Variants in EPHA6 observed in about 807,000 individuals in gnomAD.
The protein encoded by EPHA6 is ephrin type-A receptor 6.
In EPHA6, 50 loss-of-function variants were observed where a neutral mutation model predicts 112.0. That is an observed-to-expected ratio of 0.45 (90% CI 0.36 to 0.56). The LOEUF (loss-of-function observed/expected upper bound fraction) is 0.56. Among genes scored for constraint, EPHA6 ranks in the 20% least tolerant of loss-of-function variants. The pLI is 0.00. For missense variants in EPHA6, 1,280 were observed against 1,417.4 expected (o/e 0.90, Z 1.56); for synonymous variants, 529 against 490.7 (o/e 1.08, Z -1.03).
rs1577667771 is a variant in EPHA6 at position 97,525,930 on chromosome 3, T to C, written c.2201-6428T>C. Among the ~76,000 whole-genome samples the C allele has an allele frequency of 3.3e-5, 5 of 152,148 alleles. No individual in the cohort carries two copies. In the South Asian group the frequency reaches 1.0e-3, roughly 31 times the overall value. ...AATGATGGATATGGCTTCCGCTGGG[T>C]CACTGGCAGGACTCCTGTTGGATAA... is the stretch of plus-strand genomic sequence containing the variant. On this transcript the variant is annotated intron_variant, in intron 10 of 17. Transcript: ENST00000389672.
intron 15 of EPHA6, among the ~76,000 whole-genome samples, chr3:97,729,175 C>G (rs1038918294): frequency 6.6e-6 from 1 of 151,916 alleles, no homozygotes; most frequent in African/African-American, 2.4e-5. Flanking sequence ...ACTGTAACGC[C>G]TTTTTTCTAT....
chr3:97,580,070 G>A (rs1305968459), intron 11 of EPHA6, among the ~76,000 whole-genome samples: 1 of 152,172 alleles, frequency 6.6e-6, no homozygotes, highest in Non-Finnish European at 1.5e-5. Context: ...ATTGGATCCT[G>A]TTTTGGAAAC....
At chr3:96,968,215 T>C (rs1466140564) in intron 2 of EPHA6, among the ~76,000 whole-genome samples, 1 of 151,896 alleles carries the variant, frequency 6.6e-6, no homozygotes, top group African/African-American at 2.4e-5. Context: ...TGACTTTGGA[T>C]GTAAACTTCT....
At chr3:97,613,634 G>A (rs2093738796) in intron 13 of EPHA6, among the ~76,000 whole-genome samples, 1 of 152,080 alleles carries the variant, frequency 6.6e-6, no homozygotes. Flanking sequence ...TCAAGTGTGT[G>A]TGTGGGCTTG....
intron 5 of EPHA6, among the ~76,000 whole-genome samples, chr3:97,356,051 T>G (rs1577073901): frequency 6.6e-6 from 1 of 152,318 alleles, no homozygotes; most frequent in East Asian, 1.9e-4. Context: ...CAAAGCTTCA[T>G]CTGTATTTAC....
At chr3:96,994,726 T>TAGAG (rs1283627504) in intron 3 of EPHA6, among the ~76,000 whole-genome samples, 14 of 78,266 alleles carry the variant, frequency 1.8e-4, no homozygotes, top group Middle Eastern at 5.6e-3. Flanking sequence ...TATATATATA[T>TAGAG]ATATATAGAG....
chr3:97,316,058 C>G (rs758587355), intron 5 of EPHA6, among the ~76,000 whole-genome samples: 20 of 151,748 alleles, frequency 1.3e-4, no homozygotes, highest in Non-Finnish European at 2.4e-4. Flanking sequence ...ATTAATGATT[C>G]TCAAACATTA....
chr3:97,328,044 C>CAT (rs2082558602), intron 5 of EPHA6, among the ~76,000 whole-genome samples: 7 of 53,532 alleles, frequency 1.3e-4, no homozygotes, highest in African/African-American at 5.7e-4. Context: ...TATATACACA[C>CAT]ATATATACAC....
intron 4 of EPHA6, among the ~76,000 whole-genome samples, chr3:97,238,948 G>A (rs944729357): frequency 3.3e-5 from 5 of 151,816 alleles, no homozygotes; most frequent in African/African-American, 1.2e-4. Context: ...TTTTTTGTTT[G>A]CCTGTTTTAA....
At chr3:97,346,353 A>C (rs563874431) in intron 5 of EPHA6, among the ~76,000 whole-genome samples, 1 of 152,322 alleles carries the variant, frequency 6.6e-6, no homozygotes, top group East Asian at 1.9e-4. Flanking sequence ...AAATAAAAAG[A>C]AAGCTAATTG....
At chr3:97,592,465 A>G (rs2107347647) in intron 11 of EPHA6, 147 bp from the exon 12 acceptor site, 1 of 834,814 alleles carries the variant, frequency 1.2e-6, no homozygotes. Context: ...AAATTTATGG[A>G]GTAAAAAATG....
At chr3:97,627,187 T>C (rs1224090680) in intron 13 of EPHA6, among the ~76,000 whole-genome samples, 1 of 151,934 alleles carries the variant, frequency 6.6e-6, no homozygotes, top group African/African-American at 2.4e-5. Context: ...TATGCAAATA[T>C]GTATTGACAG....
intron 3 of EPHA6, among the ~76,000 whole-genome samples, chr3:97,161,237 G>A (rs546567582): frequency 4.6e-5 from 7 of 152,066 alleles, no homozygotes; most frequent in Non-Finnish European, 1.0e-4. Flanking sequence ...CCAACATTAG[G>A]CCAAAAGCTG....
intron 2 of EPHA6, among the ~76,000 whole-genome samples, chr3:96,903,996 T>C (rs1177558612): frequency 1.3e-5 from 2 of 152,144 alleles, no homozygotes; most frequent in Non-Finnish European, 2.9e-5. Flanking sequence ...GAAACACTTT[T>C]ACAGTGTTGG....
chr3:97,144,560 A>G (rs2075993091), intron 3 of EPHA6, among the ~76,000 whole-genome samples: 1 of 151,110 alleles, frequency 6.6e-6, no homozygotes, highest in Non-Finnish European at 1.5e-5. Flanking sequence ...GCTAACTTCC[A>G]TGCTCCTATT....
chr3:97,003,700 G>T (rs1271953233), intron 3 of EPHA6, among the ~76,000 whole-genome samples: 1 of 151,908 alleles, frequency 6.6e-6, no homozygotes, highest in Non-Finnish European at 1.5e-5. Context: ...GGATAAATGT[G>T]CAGAACACGC....
At position 97,274,948 on chromosome 3, in the gene EPHA6, C is replaced by T. The variant is rs573575073; in HGVS notation, c.1606+30661C>T. Among the ~76,000 whole-genome samples, 10 of 152,140 alleles carry T rather than the reference C, an allele frequency of 6.6e-5. No individual in the cohort carries two copies. The East Asian group carries it at 9.7e-4, about 15-fold the overall frequency. On this transcript the variant is annotated intron_variant, in intron 5 of 17. Transcript: ENST00000389672. ...GGAGCCGGGGAGCAGAAACTATATG[C>T]GTCAGGTATGAGGAAGAAAATAGAT...
chr3:97,302,635 A>C (rs957786998), intron 5 of EPHA6, among the ~76,000 whole-genome samples: 1 of 151,944 alleles, frequency 6.6e-6, no homozygotes, highest in Admixed American at 6.6e-5. Context: ...ATAAATTGTC[A>C]GAAATGCAAT....
At chr3:97,447,051 G>C (rs2090370201) in intron 6 of EPHA6, among the ~76,000 whole-genome samples, 4 of 151,988 alleles carry the variant, frequency 2.6e-5, no homozygotes, top group Admixed American at 2.6e-4. Flanking sequence ...TTAATAAGCA[G>C]TTTTATTATT....
Sources: allele counts gnomAD v4.1 joint callset (sites outside exome capture counted in the v4.1 genomes callset), GRCh38; gene constraint gnomAD v4.1.1; transcripts MANE v1.5; gene names NCBI Gene and HGNC (gene_info 2026-07-23, HGNC 2026-07-21).